NKAIN3: variants seen among roughly 807,000 people sequenced by gnomAD.
NKAIN3 encodes the protein sodium/potassium-transporting ATPase subunit beta-1-interacting protein 3.
A neutral mutation model predicts 30.2 loss-of-function variants in NKAIN3; 25 were observed. The ratio of observed to expected loss-of-function variants is 0.83; its 90% confidence interval spans 0.60 to 1.16. The LOEUF (loss-of-function observed/expected upper bound fraction) is 1.16. NKAIN3 is among the 50% of genes most tolerant of loss of function. The pLI is 0.00. For synonymous variants in NKAIN3, 91 were observed against 89.6 expected (o/e 1.02, Z -0.09); for missense variants, 225 against 254.1 (o/e 0.89, Z 0.78).
chr8:62,675,105 A>G (rs191419493), intron 3 of NKAIN3, among the ~76,000 whole-genome samples: 262 of 152,282 alleles, frequency 1.7e-3, no homozygotes, highest in African/African-American at 6.2e-3. Flanking sequence ...GAGTTTCAGT[A>G]TGACCCTCTG....
chr8:62,624,241 T>C (rs1811719648), intron 3 of NKAIN3, among the ~76,000 whole-genome samples: 1 of 152,016 alleles, frequency 6.6e-6, no homozygotes, highest in South Asian at 2.1e-4. Context: ...TGTGCCAACC[T>C]CCTATCTCAT....
At chr8:62,860,609 C>A (rs1192745605) in intron 4 of NKAIN3, among the ~76,000 whole-genome samples, 3 of 152,234 alleles carry the variant, frequency 2.0e-5, no homozygotes, top group African/African-American at 7.2e-5. Context: ...CTTTCTCCCA[C>A]TTCTTCCTGC....
At chr8:62,514,295 A>G (rs1015640993) in intron 1 of NKAIN3, among the ~76,000 whole-genome samples, 6 of 152,118 alleles carry the variant, frequency 3.9e-5, no homozygotes, top group Admixed American at 2.6e-4. Context: ...AGATAATGCC[A>G]CTAATTCTGA....
chr8:62,597,416 A>AT (rs901139627), intron 3 of NKAIN3, among the ~76,000 whole-genome samples: 2 of 151,954 alleles, frequency 1.3e-5, no homozygotes, highest in African/African-American at 4.8e-5. Context: ...TTAAAGAATA[A>AT]TTTTTTTATT....
chr8:62,493,864 AC>A (rs1468477565), intron 1 of NKAIN3, among the ~76,000 whole-genome samples: 1 of 152,098 alleles, frequency 6.6e-6, no homozygotes, highest in Non-Finnish European at 1.5e-5. Context: ...TGATTTTTGA[AC>A]ATTGATTTTG....
At chr8:62,834,251 C>T (rs1819288686) in intron 4 of NKAIN3, among the ~76,000 whole-genome samples, 1 of 151,940 alleles carries the variant, frequency 6.6e-6, no homozygotes, top group Non-Finnish European at 1.5e-5. Context: ...AAGCATGCCC[C>T]TTAAGAACAG....
intron 1 of NKAIN3, among the ~76,000 whole-genome samples, chr8:62,550,523 TG>T (rs1809169935): frequency 6.6e-6 from 1 of 152,228 alleles, no homozygotes; most frequent in Non-Finnish European, 1.5e-5. Flanking sequence ...GAATTGAACT[TG>T]GAATTTGAGA....
At chr8:62,710,255 G>C (rs1215888931) in intron 3 of NKAIN3, among the ~76,000 whole-genome samples, 1 of 152,050 alleles carries the variant, frequency 6.6e-6, no homozygotes, top group African/African-American at 2.4e-5. Context: ...CCAAGGTGTA[G>C]TTTAAATCAT....
intron 3 of NKAIN3, among the ~76,000 whole-genome samples, chr8:62,722,649 A>G (rs1169244934): frequency 1.3e-5 from 2 of 152,162 alleles, no homozygotes; most frequent in Non-Finnish European, 2.9e-5. Flanking sequence ...AAGAGAGACA[A>G]TATTCTTAAA....
intron 1 of NKAIN3, among the ~76,000 whole-genome samples, chr8:62,463,997 G>T (rs1585837219): frequency 8.1e-6 from 1 of 122,990 alleles, no homozygotes; most frequent in Non-Finnish European, 1.9e-5. Flanking sequence ...ACACAAAACT[G>T]GGGATATTCC....
intron 1 of NKAIN3, among the ~76,000 whole-genome samples, chr8:62,463,988 C>T (rs1266753754): frequency 1.3e-5 from 2 of 149,334 alleles, no homozygotes; most frequent in African/African-American, 4.8e-5. Context: ...CACAGATACA[C>T]ACAAAACTGG....
rs1281838452 is a variant in NKAIN3 at position 62,971,895 on chromosome 8, A to G, written c.*6488A>G. ...ATCTTGTCTTTGTGGTTAGAAAGAAATGAAAATAAATCAGTAGCACTACAT... is the reference window on the plus strand; with the variant it reads ...ATCTTGTCTTTGTGGTTAGAAAGAAGTGAAAATAAATCAGTAGCACTACAT... On this transcript the variant is annotated 3_prime_UTR_variant, in exon 7 of 7. Transcript: ENST00000623646. Among the ~76,000 whole-genome samples, 1 of 152,230 alleles carries G rather than the reference A, an allele frequency of 6.6e-6. No homozygotes were observed. The highest frequency in any genetic ancestry group is 1.9e-4 in the East Asian group (1 of 5,200).
At chr8:62,304,029 C>T (rs1349720783) in intron 1 of NKAIN3, among the ~76,000 whole-genome samples, 1 of 150,524 alleles carries the variant, frequency 6.6e-6, no homozygotes, top group Non-Finnish European at 1.5e-5. Flanking sequence ...TCACCTTCTT[C>T]CTAATCAGCC....
At chr8:62,603,757 C>T (rs1460861655) in intron 3 of NKAIN3, among the ~76,000 whole-genome samples, 1 of 151,978 alleles carries the variant, frequency 6.6e-6, no homozygotes, top group East Asian at 1.9e-4. Flanking sequence ...GATATTGTAC[C>T]AGCTACCTTA....
chr8:62,640,921 A>G (rs762324896), intron 3 of NKAIN3, among the ~76,000 whole-genome samples: 3 of 152,134 alleles, frequency 2.0e-5, no homozygotes, highest in Non-Finnish European at 4.4e-5. Context: ...TTGTGTCCAC[A>G]TTCTTTAACC....
chr8:62,719,578 G>T (rs1452659209), intron 3 of NKAIN3, among the ~76,000 whole-genome samples: 1 of 152,082 alleles, frequency 6.6e-6, no homozygotes, highest in Non-Finnish European at 1.5e-5. Context: ...AATTAGCTGA[G>T]ATTTTGTTTG....
chr8:62,390,388 T>G (rs915238166), intron 1 of NKAIN3, among the ~76,000 whole-genome samples: 4 of 152,178 alleles, frequency 2.6e-5, no homozygotes, highest in Non-Finnish European at 4.4e-5. Context: ...GTTCTTTTTT[T>G]GGGCTGCATA....
At chr8:62,266,695 C>G (rs79414681) in intron 1 of NKAIN3, among the ~76,000 whole-genome samples, 23 of 152,198 alleles carry the variant, frequency 1.5e-4, no homozygotes, top group Non-Finnish European at 2.9e-4. Flanking sequence ...GAGGGAGAAG[C>G]GCCTCTTCCT....
chr8:62,812,785 AATG>A (rs1486547686), intron 4 of NKAIN3, among the ~76,000 whole-genome samples: 7 of 151,894 alleles, frequency 4.6e-5, no homozygotes, highest in Non-Finnish European at 8.8e-5. Context: ...TTCCTCCCTG[AATG>A]ATAAGATGAT....
Sources: allele counts gnomAD v4.1 joint callset (sites outside exome capture counted in the v4.1 genomes callset), GRCh38; gene constraint gnomAD v4.1.1; transcripts MANE v1.5; gene names NCBI Gene and HGNC (gene_info 2026-07-23, HGNC 2026-07-21).